The following PDK2 variants were observed in gnomAD, a reference collection of about 807,000 sequenced individuals.
The protein encoded by PDK2 is pyruvate dehydrogenase kinase, isozyme 2.
In PDK2, 34 loss-of-function variants were observed where a neutral mutation model predicts 50.4. The ratio of observed to expected loss-of-function variants is 0.68; its 90% CI spans 0.51 to 0.90. The LOEUF (loss-of-function observed/expected upper bound fraction) is 0.90, where lower values mean the gene tolerates loss of function less well. Ranked by LOEUF, PDK2 falls within the 40% of genes least tolerant of loss-of-function variation. The pLI, the probability that PDK2 is intolerant of heterozygous loss-of-function variation, is 0.00. For synonymous variants in PDK2, 232 were observed against 216.0 expected (o/e 1.07, Z -0.65); for missense variants, 377 against 544.5 (o/e 0.69, Z 3.06).
chr17:50,111,020 G>C lies in PDK2; in HGVS notation c.*923G>C, dbSNP rs1910805342. On this transcript the variant is annotated 3_prime_UTR_variant, in exon 11 of 11. Transcript: ENST00000503176. ...CCTCCCAGTGGCTGTGGCAGTGACA[G>C]TGACACCCACACCCACAGTAAAGAG... 1 of 152,264 alleles carries C rather than the reference G, an allele frequency of 6.6e-6. No individual in the cohort carries two copies. Among genetic ancestry groups the C allele is most frequent in the South Asian group, 2.1e-4 (1 of 4,836 alleles). The allele number at this position is 152,264 out of a possible 1,614,324, so 9.4% of individuals were successfully genotyped here.
intron 2 of PDK2, among the ~76,000 whole-genome samples, chr17:50,102,709 G>A (rs1910300576): frequency 6.6e-6 from 1 of 152,190 alleles, no homozygotes. Flanking sequence ...GAGAATCTCA[G>A]CTCTGTGTGT....
intron 2 of PDK2, among the ~76,000 whole-genome samples, chr17:50,103,274 G>C (rs1910327456): frequency 6.6e-6 from 1 of 152,174 alleles, no homozygotes; most frequent in South Asian, 2.1e-4. Flanking sequence ...TCTGGGTAGG[G>C]AGGGGTGGGC....
intron 2 of PDK2, among the ~76,000 whole-genome samples, chr17:50,099,424 C>T (rs1024664096): frequency 1.3e-5 from 2 of 152,208 alleles, no homozygotes; most frequent in East Asian, 3.9e-4. Context: ...CTTATTCTTC[C>T]GCAAAGCTTG....
intron 2 of PDK2, among the ~76,000 whole-genome samples, chr17:50,100,409 C>G (rs931522268): frequency 6.6e-6 from 1 of 152,208 alleles, no homozygotes; most frequent in African/African-American, 2.4e-5. Flanking sequence ...CCTGGGCAAG[C>G]CACATGGCAT....
In PDK2 at chr17:50,108,310, C is replaced by T. The variant is rs1232464230; in HGVS notation, c.763-9C>T. 1.9e-6 allele frequency: 3 copies of T among 1,612,896 alleles called. No homozygotes were observed. The highest frequency in any genetic ancestry group is 1.7e-6 in the Non-Finnish European group (2 of 1,179,110). On this transcript the variant is annotated splice_polypyrimidine_tract_variant and intron_variant, in intron 7 of 10. Transcript: ENST00000503176. Reference sequence around the variant, plus strand: ...CTCCCATGCATCTCTTACCTCTGCCCCTCCGCAGAATGCCATGAGGGCGAC... The same window carrying T: ...CTCCCATGCATCTCTTACCTCTGCCTCTCCGCAGAATGCCATGAGGGCGAC...
At chr17:50,099,546 C>A (rs932773491) in intron 2 of PDK2, among the ~76,000 whole-genome samples, 2 of 152,254 alleles carry the variant, frequency 1.3e-5, no homozygotes, top group African/African-American at 2.4e-5. Context: ...GTAATCCCAG[C>A]ACTTTGGGAG....
intron 2 of PDK2, among the ~76,000 whole-genome samples, chr17:50,102,795 G>A (rs1318623672): frequency 1.3e-5 from 2 of 152,152 alleles, no homozygotes; most frequent in Non-Finnish European, 2.9e-5. Flanking sequence ...AAGTGGGGCA[G>A]GAGGGAAGCA....
At position 50,106,054 on chromosome 17, in the gene PDK2, C is replaced by A; in HGVS notation, c.502C>A (p.Leu168Ile). Reference sequence around the variant, plus strand: ...CCTCAGCCGCATCTCCATCCGCATGCTCATCAACCAGCACAGTGGGTGCCG... The same window carrying A: ...CCTCAGCCGCATCTCCATCCGCATGATCATCAACCAGCACAGTGGGTGCCG... ...FYLSRISIRM[L>I]INQHTLIFDG... The change falls in exon 4 of 11, where the codon CTC (leucine) becomes ATC (isoleucine). Residue 168 changes from leucine to isoleucine, a missense_variant. Leu to Ile is a conservative substitution (Grantham distance 5). Around this residue, in one of 3 missense-constraint regions of PDK2, gnomAD observed 63 missense variants for 135.1 expected, o/e 0.47. Coordinates refer to ENST00000503176, the MANE Select transcript of PDK2 (RefSeq NM_002611.5). The A allele has an allele frequency of 1.2e-6, 2 of 1,603,424 alleles. No homozygotes were observed. Among genetic ancestry groups the A allele is most frequent in the Non-Finnish European group, 1.7e-6 (2 of 1,174,930 alleles).
Position 50,108,184 on chromosome 17 carries a change from GGT to G in PDK2, c.715_716del (p.Val239LeufsTer12), listed in dbSNP as rs1453098648. ...CCAACTCCAAACAGCCGATTCACAT[GGT>G]CTACGTCCCCTCCCACCTCTACCAC... ...AANSKQPIHM[V>X]YVPSHLYHML... On this transcript the variant is annotated frameshift_variant, in exon 7 of 11. Transcript: ENST00000503176. LOFTEE classifies it high-confidence loss of function. The G allele has an allele frequency of 1.1e-5, 18 of 1,597,408 alleles. No homozygotes were observed. The highest frequency in any genetic ancestry group is 1.5e-5 in the Non-Finnish European group (17 of 1,170,616).
chr17:50,095,232 G>A (rs1382366028), upstream of PDK2: 2 of 513,180 alleles, frequency 3.9e-6, no homozygotes, highest in East Asian at 3.4e-5. Context: ...CACGTGCCGG[G>A]GCGGAAGGCT....
chr17:50,105,245 C>T (rs2144364392), intron 2 of PDK2, 126 bp from the exon 3 acceptor site: 1 of 521,682 alleles, frequency 1.9e-6, no homozygotes, highest in Non-Finnish European at 3.3e-6. Context: ...AGTGAGGCGG[C>T]TTGTCGGCAG....
chr17:50,098,063 G>C (rs1227180668), intron 2 of PDK2, among the ~76,000 whole-genome samples: 1 of 152,222 alleles, frequency 6.6e-6, no homozygotes, highest in Non-Finnish European at 1.5e-5. Flanking sequence ...TTCCCGAAGA[G>C]CTTTGGAGGG....
chr17:50,107,237 C>T, intron 6 of PDK2, 84 bp downstream of exon 6: 1 of 993,348 alleles, frequency 1.0e-6, no homozygotes. Context: ...AGGAGATGGA[C>T]TGTTTTCTAG....
At chr17:50,095,624 G>A (rs1909894193) in intron 1 of PDK2, 71 bp downstream of exon 1, 2 of 1,506,236 alleles carry the variant, frequency 1.3e-6, no homozygotes, top group South Asian at 2.4e-5. Context: ...CGGGGGCTAG[G>A]GGGACGGAGG....
chr17:50,097,964 T>G (rs1307020653), intron 2 of PDK2, among the ~76,000 whole-genome samples: 1 of 152,174 alleles, frequency 6.6e-6, no homozygotes, highest in Non-Finnish European at 1.5e-5. Context: ...AGAAGTAAGT[T>G]TTCAAATACA....
At position 50,101,184 on chromosome 17, in the gene PDK2, C is replaced by T. The variant is rs1352405468; in HGVS notation, c.260+3620C>T. The T allele has an allele frequency of 1.3e-5, 2 of 152,182 alleles. No individual in the cohort carries two copies. The highest frequency in any genetic ancestry group is 6.5e-5 in the Admixed American group (1 of 15,282). The allele number at this position is 152,182 out of a possible 1,614,324, so 9.4% of individuals were successfully genotyped here. The stretch of plus-strand genomic sequence containing the variant: ...CGCACAAACCTCCCTTGCCCGTCAG[C>T]AAGGTGTGTGGACCCCATACAGGGG... On this transcript the variant is annotated intron_variant, in intron 2 of 10. Coordinates refer to ENST00000503176, the MANE Select transcript of PDK2 (RefSeq NM_002611.5). The surrounding 1 kb of genome is among the most constrained non-coding windows in gnomAD (Gnocchi z 4.2).
chr17:50,107,438 G>C (rs1038684558), intron 6 of PDK2, among the ~76,000 whole-genome samples: 2 of 152,018 alleles, frequency 1.3e-5, no homozygotes, highest in Admixed American at 6.6e-5. Flanking sequence ...AAAATTAGCC[G>C]GGCATGATGG....
intron 2 of PDK2, 36 bp downstream of exon 2, chr17:50,097,600 C>T: frequency 6.2e-7 from 1 of 1,605,002 alleles, no homozygotes; most frequent in Non-Finnish European, 8.5e-7. Flanking sequence ...ACCTCCCACT[C>T]CATCGCCAGT....
In PDK2 at chr17:50,108,348, T is replaced by G; in HGVS notation, c.792T>G (p.His264Gln). ...KNAMRATVESHESSLILPPIK... is the reference protein window; with the variant it reads ...KNAMRATVESQESSLILPPIK... ...CCATGAGGGCGACTGTGGAAAGCCA[T>G]GAGTCCAGCCTCATTCTCCCACCCA... Residue 264 changes from histidine (H) to glutamine (Q), a missense_variant, in exon 8 of 11, where the codon CAT becomes CAG. By Grantham distance (24) the His-to-Gln change is conservative. Around this residue, in one of 3 missense-constraint regions of PDK2, gnomAD observed 214 missense variants for 294.0 expected, o/e 0.73. Transcript: ENST00000503176. The G allele has an allele frequency of 6.2e-7, 1 of 1,614,140 alleles. No homozygotes were observed.
Sources: allele counts gnomAD v4.1 joint callset (sites outside exome capture counted in the v4.1 genomes callset), GRCh38; gene constraint gnomAD v4.1.1; regional missense constraint gnomAD v4.1.1; non-coding constraint Gnocchi (gnomAD v3.1); transcripts MANE v1.5; gene names NCBI Gene and HGNC (gene_info 2026-07-23, HGNC 2026-07-21).